Variants in PCDH15 observed in about 807,000 individuals in gnomAD.
PCDH15 encodes protocadherin related 15.
In PCDH15, 129 loss-of-function variants were observed where a neutral mutation model predicts 178.5. The ratio of observed to expected loss-of-function variants is 0.72; its 90% confidence interval spans 0.63 to 0.84. PCDH15 has a LOEUF of 0.84. Ranked by LOEUF, PCDH15 falls within the 40% of genes least tolerant of loss-of-function variation. The probability of loss-of-function intolerance (pLI) is 0.00; values close to 1 mark genes in which losing one functional copy is unlikely to be tolerated. For synonymous variants in PCDH15, 800 were observed against 732.0 expected (o/e 1.09, Z -1.50); for missense variants, 2,230 against 2,099.9 (o/e 1.06, Z -1.21).
rs148121838 is a variant in PCDH15 at position 55,442,697 on chromosome 10, T to C, written c.-156+184928A>G. Among the ~76,000 whole-genome samples the C allele has an allele frequency of 8.2e-3, 1,241 of 151,670 alleles. 7 individuals are homozygous for C. Among genetic ancestry groups the C allele is most frequent in the Middle Eastern group, 0.014 (4 of 292 alleles). On this transcript the variant is annotated intron_variant, in intron 2 of 5. Coordinates refer to the PCDH15 transcript ENST00000613346. ...ATAAATATTAATCTATTTATTTATG[T>C]AGATGCAAAACTGCAAATGTTAATG... is the stretch of plus-strand genomic sequence containing the variant.
At chr10:54,261,683 A>AT (rs1259135418) in intron 8 of PCDH15, among the ~76,000 whole-genome samples, 1 of 94,354 alleles carries the variant, frequency 1.1e-5, no homozygotes, top group Non-Finnish European at 2.5e-5. Context: ...TATTACATCT[A>AT]TTTTTTATAA....
At chr10:53,834,103 T>C (rs1362700610) in intron 29 of PCDH15, among the ~76,000 whole-genome samples, 3 of 152,150 alleles carry the variant, frequency 2.0e-5, no homozygotes, top group African/African-American at 7.2e-5. Context: ...TAACTGAAAC[T>C]GAAGAAAGCA....
intron 8 of PCDH15, among the ~76,000 whole-genome samples, chr10:54,277,297 T>C (rs2058403493): frequency 6.6e-6 from 1 of 151,576 alleles, no homozygotes. Flanking sequence ...AAATATATGA[T>C]ATAGTCTTAG....
At chr10:55,055,188 A>T (rs138396166) in intron 2 of PCDH15, among the ~76,000 whole-genome samples, 38 of 152,208 alleles carry the variant, frequency 2.5e-4, no homozygotes, top group Non-Finnish European at 4.1e-4. Flanking sequence ...TAATTTTTGT[A>T]TATGGTGTAC....
chr10:55,294,840 A>G (rs781472409), intron 1 of PCDH15, among the ~76,000 whole-genome samples: 17 of 152,216 alleles, frequency 1.1e-4, no homozygotes, highest in Non-Finnish European at 2.4e-4. Flanking sequence ...ATTTCCAAAT[A>G]ATAAAAATAG....
At chr10:55,123,478 T>C (rs1837822899) in intron 2 of PCDH15, among the ~76,000 whole-genome samples, 1 of 152,130 alleles carries the variant, frequency 6.6e-6, no homozygotes, top group Admixed American at 6.6e-5. Context: ...GTGTTGTAAA[T>C]ATATTTGACC....
chr10:54,240,829 C>A (rs977056241), intron 8 of PCDH15, among the ~76,000 whole-genome samples: 10 of 151,808 alleles, frequency 6.6e-5, no homozygotes, highest in African/African-American at 2.4e-4. Flanking sequence ...GACGGGGTTT[C>A]ACCGTGTTGG....
At chr10:54,373,794 GA>G (rs1459787611) in intron 4 of PCDH15, among the ~76,000 whole-genome samples, 2 of 151,906 alleles carry the variant, frequency 1.3e-5, no homozygotes, top group African/African-American at 4.8e-5. Flanking sequence ...AGTGTTATTA[GA>G]AAATAATTTA....
chr10:54,077,230 C>A (rs185441626), intron 17 of PCDH15, among the ~76,000 whole-genome samples: 1 of 151,948 alleles, frequency 6.6e-6, no homozygotes, highest in African/African-American at 2.4e-5. Flanking sequence ...CAAAATGAAA[C>A]CTGAGTGATT....
At chr10:55,474,292 A>G (rs1198460978) in intron 2 of PCDH15, among the ~76,000 whole-genome samples, 1 of 152,242 alleles carries the variant, frequency 6.6e-6, no homozygotes, top group Non-Finnish European at 1.5e-5. Context: ...ACTGAATGGA[A>G]GGAGTACTGA....
At chr10:55,277,937 T>C (rs1482044436) in intron 1 of PCDH15, among the ~76,000 whole-genome samples, 1 of 152,172 alleles carries the variant, frequency 6.6e-6, no homozygotes, top group Non-Finnish European at 1.5e-5. Flanking sequence ...TTTTGTTTAC[T>C]ACTGTTTTTC....
At chr10:53,996,671 T>C (rs958621419) in intron 20 of PCDH15, among the ~76,000 whole-genome samples, 3 of 152,148 alleles carry the variant, frequency 2.0e-5, no homozygotes, top group Non-Finnish European at 4.4e-5. Flanking sequence ...AGGAAGACCA[T>C]ATTTTTCTGA....
At chr10:53,974,060 C>T (rs915814658) in intron 21 of PCDH15, among the ~76,000 whole-genome samples, 8 of 152,046 alleles carry the variant, frequency 5.3e-5, no homozygotes, top group Admixed American at 3.9e-4. Context: ...CTCTGTCGTC[C>T]GGGCTGGAAG....
intron 17 of PCDH15, among the ~76,000 whole-genome samples, chr10:54,073,699 T>C (rs1182439877): frequency 1.3e-5 from 2 of 152,200 alleles, no homozygotes; most frequent in Non-Finnish European, 2.9e-5. Flanking sequence ...CATGATGGAA[T>C]CAAGTTACCT....
At chr10:54,404,116 T>C (rs1445631302) in intron 3 of PCDH15, among the ~76,000 whole-genome samples, 1 of 151,902 alleles carries the variant, frequency 6.6e-6, no homozygotes, top group African/African-American at 2.4e-5. Flanking sequence ...AAAAGGCTAT[T>C]TTAATATTCA....
intron 2 of PCDH15, among the ~76,000 whole-genome samples, chr10:54,986,248 G>A (rs1839360591): frequency 6.6e-6 from 1 of 151,844 alleles, no homozygotes; most frequent in African/African-American, 2.4e-5. Flanking sequence ...GTAGCTTTCT[G>A]TCAAGTCAAA....
intron 2 of PCDH15, among the ~76,000 whole-genome samples, chr10:54,957,940 C>A (rs1276664460): frequency 6.6e-6 from 1 of 151,608 alleles, no homozygotes; most frequent in Non-Finnish European, 1.5e-5. Flanking sequence ...CAAAAGGATG[C>A]CTCCTTACCT....
intron 2 of PCDH15, chr10:54,655,856 A>G (rs1372563061): frequency 2.0e-5 from 3 of 152,194 alleles, no homozygotes; most frequent in Non-Finnish European, 4.4e-5. Flanking sequence ...CATAGCTGAG[A>G]TTTCATATGA....
intron 2 of PCDH15, among the ~76,000 whole-genome samples, chr10:54,602,791 C>A (rs1349930043): frequency 1.3e-5 from 2 of 151,998 alleles, no homozygotes; most frequent in East Asian, 1.9e-4. Context: ...CATGTTCAAC[C>A]ATCCTTGCAC....
Sources: allele counts gnomAD v4.1 joint callset (sites outside exome capture counted in the v4.1 genomes callset), GRCh38; gene constraint gnomAD v4.1.1; transcripts MANE v1.5; gene names NCBI Gene and HGNC (gene_info 2026-07-23, HGNC 2026-07-21).